Variants in ADAMTS17 observed in about 807,000 individuals in gnomAD.
ADAMTS17 encodes A disintegrin and metalloproteinase with thrombospondin motifs 17.
In ADAMTS17, 113 loss-of-function variants were observed where a neutral mutation model predicts 141.5. That is an observed-to-expected ratio of 0.80 (90% confidence interval 0.69 to 0.93). ADAMTS17 has a LOEUF of 0.93. Among genes scored for constraint, ADAMTS17 ranks in the 40% least tolerant of loss-of-function variants. The probability of loss-of-function intolerance (pLI) is 0.00; values close to 1 mark genes in which losing one functional copy is unlikely to be tolerated. For missense variants in ADAMTS17, 1,659 were observed against 1,517.9 expected (o/e 1.09, Z -1.54); for synonymous variants, 768 against 630.6 (o/e 1.22, Z -3.27).
chr15:100,316,471 T>C (rs75918500), intron 3 of ADAMTS17, among the ~76,000 whole-genome samples: 4,184 of 152,236 alleles, frequency 0.027, 94 homozygotes, highest in African/African-American at 0.059. Flanking sequence ...ATCAAGCCCA[T>C]TGCCTGCAGC....
chr15:100,316,383 C>T (rs991622750), intron 3 of ADAMTS17, among the ~76,000 whole-genome samples: 6 of 152,218 alleles, frequency 3.9e-5, no homozygotes, highest in Admixed American at 2.6e-4. Flanking sequence ...CAAGAACCCC[C>T]GGATCACACT....
At chr15:100,001,626 T>A (rs1014403749) in intron 18 of ADAMTS17, among the ~76,000 whole-genome samples, 1 of 152,006 alleles carries the variant, frequency 6.6e-6, no homozygotes, top group African/African-American at 2.4e-5. Flanking sequence ...GTGTGAGAAA[T>A]CTCTCTGTAC....
chr15:100,113,698 C>T (rs745827328), intron 13 of ADAMTS17, among the ~76,000 whole-genome samples: 1 of 152,350 alleles, frequency 6.6e-6, no homozygotes, highest in Non-Finnish European at 1.5e-5. Flanking sequence ...GAGCTAAGGT[C>T]CTGACATCTT....
At chr15:100,265,955 C>T (rs892911417) in intron 4 of ADAMTS17, among the ~76,000 whole-genome samples, 1 of 152,220 alleles carries the variant, frequency 6.6e-6, no homozygotes, top group African/African-American at 2.4e-5. Context: ...CTGCTCCACA[C>T]CCACCGGAGT....
At chr15:100,269,836 T>A (rs1463633605) in intron 4 of ADAMTS17, among the ~76,000 whole-genome samples, 17 of 152,208 alleles carry the variant, frequency 1.1e-4, no homozygotes, top group Non-Finnish European at 1.0e-4. Context: ...GCTTGGAGAC[T>A]CGGTCTTCAT....
chr15:100,340,291 CG>C (rs2046324976), intron 2 of ADAMTS17, among the ~76,000 whole-genome samples: 1 of 152,176 alleles, frequency 6.6e-6, no homozygotes, highest in Non-Finnish European at 1.5e-5. Context: ...GCACCTGTTC[CG>C]GGTGCCTCAA....
intron 18 of ADAMTS17, among the ~76,000 whole-genome samples, chr15:100,024,036 C>T (rs954067943): frequency 1.3e-5 from 2 of 152,208 alleles, no homozygotes; most frequent in African/African-American, 2.4e-5. Flanking sequence ...TACTGTGCAT[C>T]GCTATTGATA....
chr15:100,141,465 A>G (rs1275001385), intron 10 of ADAMTS17, among the ~76,000 whole-genome samples: 1 of 152,228 alleles, frequency 6.6e-6, no homozygotes, highest in Non-Finnish European at 1.5e-5. Context: ...TGCTGATAAC[A>G]CAAGCCAAAA....
chr15:100,164,415 G>A (rs190232225), intron 8 of ADAMTS17, among the ~76,000 whole-genome samples: 18 of 151,858 alleles, frequency 1.2e-4, no homozygotes, highest in African/African-American at 3.4e-4. Context: ...CATTCAACAA[G>A]TATTTGTTGA....
At chr15:100,302,005 C>G (rs2045056782) in intron 3 of ADAMTS17, among the ~76,000 whole-genome samples, 1 of 152,182 alleles carries the variant, frequency 6.6e-6, no homozygotes, top group Admixed American at 6.5e-5. Flanking sequence ...ATGCACTCAG[C>G]ACATTTTTAG....
At chr15:100,164,441 C>G (rs532314888) in intron 8 of ADAMTS17, among the ~76,000 whole-genome samples, 2 of 152,200 alleles carry the variant, frequency 1.3e-5, no homozygotes, top group South Asian at 4.1e-4. Context: ...TTCTGCATGC[C>G]AGATCCTGTT....
At chr15:100,309,214 C>T (rs999961258) in intron 3 of ADAMTS17, among the ~76,000 whole-genome samples, 25 of 152,152 alleles carry the variant, frequency 1.6e-4, no homozygotes, top group African/African-American at 5.8e-4. Context: ...ATCAGCTGGG[C>T]GTGGTGGCAC....
intron 18 of ADAMTS17, among the ~76,000 whole-genome samples, chr15:100,042,024 T>C (rs527479935): frequency 6.6e-6 from 1 of 152,310 alleles, no homozygotes; most frequent in Non-Finnish European, 1.5e-5. Flanking sequence ...ACCATGGGAT[T>C]CTTGGGCGCT....
chr15:100,074,752 C>G (rs1052633843), intron 15 of ADAMTS17, among the ~76,000 whole-genome samples: 2 of 152,074 alleles, frequency 1.3e-5, no homozygotes, highest in African/African-American at 4.8e-5. Flanking sequence ...TATTTCTATG[C>G]TTCTATAATA....
intron 8 of ADAMTS17, among the ~76,000 whole-genome samples, chr15:100,185,902 T>C (rs2040698468): frequency 6.6e-6 from 1 of 152,206 alleles, no homozygotes; most frequent in Non-Finnish European, 1.5e-5. Context: ...TTGGCAGGAC[T>C]AACACCGCCT....
chr15:100,161,893 T>G (rs1358045649), intron 8 of ADAMTS17, among the ~76,000 whole-genome samples: 4 of 152,212 alleles, frequency 2.6e-5, no homozygotes, highest in Admixed American at 1.3e-4. Flanking sequence ...GAGAAGGTAT[T>G]TGTTTGTGTT....
rs9652537 is a variant in ADAMTS17, at chr15:100,318,903, G to A, written c.616+11986C>T. 6.2e-3 allele frequency among the ~76,000 whole-genome samples: 942 copies of A among 152,350 alleles called. 9 individuals carry two copies. Among genetic ancestry groups the A allele is most frequent in the African/African-American group, 0.022 (900 of 41,576 alleles). On this transcript the variant is annotated intron_variant, in intron 3 of 21. Coordinates refer to ENST00000268070, the MANE Select transcript of ADAMTS17 (RefSeq NM_139057.4). ...CCCGCCCATGGCACAGGGGTGCAGGGAAGTCTGTCTGCATTCAGAGTTCAG... is the reference window on the plus strand; with the variant it reads ...CCCGCCCATGGCACAGGGGTGCAGGAAAGTCTGTCTGCATTCAGAGTTCAG...
chr15:100,176,702 T>G (rs1032861848), intron 8 of ADAMTS17, among the ~76,000 whole-genome samples: 2 of 152,300 alleles, frequency 1.3e-5, no homozygotes, highest in Non-Finnish European at 2.9e-5. Context: ...TATCTTTGTG[T>G]AACCACCACA....
At chr15:100,189,877 C>T (rs949413866) in intron 8 of ADAMTS17, among the ~76,000 whole-genome samples, 5 of 152,210 alleles carry the variant, frequency 3.3e-5, no homozygotes, top group Non-Finnish European at 5.9e-5. Context: ...ATGATACACC[C>T]AGCACCACAG....
Sources: allele counts gnomAD v4.1 joint callset (sites outside exome capture counted in the v4.1 genomes callset), GRCh38; gene constraint gnomAD v4.1.1; transcripts MANE v1.5; gene names NCBI Gene and HGNC (gene_info 2026-07-23, HGNC 2026-07-21).